The following KCNH5 variants were observed in gnomAD, a reference collection of about 807,000 sequenced individuals.
The protein encoded by KCNH5 is potassium voltage-gated channel subfamily H member 5.
KCNH5 carries 46 observed loss-of-function variants against 96.1 expected under a neutral mutation model. That is an observed-to-expected ratio of 0.48 (90% CI 0.38 to 0.61). KCNH5 has a LOEUF of 0.61. Ranked by LOEUF, KCNH5 falls within the 20% of genes least tolerant of loss-of-function variation. The pLI, the probability that KCNH5 is intolerant of heterozygous loss-of-function variation, is 0.00. For missense variants in KCNH5, 907 were observed against 1,225.8 expected (o/e 0.74, Z 3.88); for synonymous variants, 439 against 449.8 (o/e 0.98, Z 0.30).
At position 62,957,510 on chromosome 14, in the gene KCNH5, C is replaced by T. The variant is rs530074413; in HGVS notation, c.943-6951G>A. 7.2e-4 allele frequency among the ~76,000 whole-genome samples: 109 copies of T among 152,310 alleles called. 2 individuals are homozygous for T. In the South Asian group the frequency reaches 0.016, roughly 23 times the overall value. Reference sequence around the variant, plus strand: ...AAACATAGCTGTGTTTATTTTTCCCCCTGTATCCATACCCCTCTGCAATGT... The same window carrying T: ...AAACATAGCTGTGTTTATTTTTCCCTCTGTATCCATACCCCTCTGCAATGT... On this transcript the variant is annotated intron_variant, in intron 6 of 10. Transcript: ENST00000322893.
intron 10 of KCNH5, among the ~76,000 whole-genome samples, chr14:62,753,670 C>A (rs1401943038): frequency 6.6e-6 from 1 of 152,022 alleles, no homozygotes; most frequent in Non-Finnish European, 1.5e-5. Flanking sequence ...ATCTTACAGG[C>A]CAGGAGAGAG....
chr14:62,707,881 T>C lies in KCNH5; in HGVS notation c.2594A>G (p.Asp865Gly), dbSNP rs765652339. 13 of 1,614,064 alleles carry C rather than the reference T, an allele frequency of 8.1e-6. No homozygotes were observed. In the East Asian group the frequency reaches 2.7e-4, roughly 33 times the overall value. ...AAGGTCACTTTTTGTAATTCCACTG[T>C]CACAAGAATCTGTTTTTCTTAGTGG... The part of the protein sequence containing the change: ...KNPLRKTDSC[D>G]SGITKSDLRL... The change falls in exon 11 of 11, where the codon GAC (aspartate) becomes GGC (glycine). Residue 865 changes from aspartate (D) to glycine (G), a missense_variant. By Grantham distance (94) the Asp-to-Gly change is moderately conservative (BLOSUM62 -1). Around this residue, in one of 6 missense-constraint regions of KCNH5, gnomAD observed 362 missense variants for 394.4 expected, o/e 0.92. Coordinates refer to ENST00000322893, the MANE Select transcript of KCNH5 (RefSeq NM_139318.5).
intron 7 of KCNH5, among the ~76,000 whole-genome samples, chr14:62,939,265 C>T (rs1889742618): frequency 6.6e-6 from 1 of 152,194 alleles, no homozygotes; most frequent in Non-Finnish European, 1.5e-5. Flanking sequence ...CATTCTACCT[C>T]ACTGGGTTCT....
At position 62,702,745 on chromosome 14, in the gene KCNH5, C is replaced by T. The variant is rs1419129456; in HGVS notation, c.*4763G>A. 1 of 151,824 alleles carries T rather than the reference C, an allele frequency of 6.6e-6. No homozygotes were observed. The highest frequency in any genetic ancestry group is 2.4e-5 in the African/African-American group (1 of 41,388). 9.4% of individuals were successfully genotyped at this position (151,824 alleles called of 1,614,324 possible). A position where few individuals can be genotyped will look rare whatever the true frequency, so the allele number is the denominator to read the frequency against. ...AGTCCAAATCCTCAGTGGTCCTGACCCTCATAAAGAATGCAAACACAGGGG... is the reference window on the plus strand; with the variant it reads ...AGTCCAAATCCTCAGTGGTCCTGACTCTCATAAAGAATGCAAACACAGGGG... On this transcript the variant is annotated 3_prime_UTR_variant, in exon 11 of 11. Coordinates refer to ENST00000322893, the MANE Select transcript of KCNH5 (RefSeq NM_139318.5).
chr14:62,847,987 G>GAAT (rs1160518880), intron 8 of KCNH5, among the ~76,000 whole-genome samples: 6 of 152,156 alleles, frequency 3.9e-5, no homozygotes, highest in African/African-American at 1.2e-4. Flanking sequence ...CTCCATTCAT[G>GAAT]AATAACTCAG....
chr14:62,998,297 A>T (rs1269253858), intron 4 of KCNH5, among the ~76,000 whole-genome samples: 1 of 152,142 alleles, frequency 6.6e-6, no homozygotes, highest in African/African-American at 2.4e-5. Context: ...CTCTGCTTGA[A>T]TGTCCATGTC....
At chr14:62,820,863 AT>A (rs1454941088) in intron 8 of KCNH5, among the ~76,000 whole-genome samples, 3 of 151,986 alleles carry the variant, frequency 2.0e-5, no homozygotes, top group African/African-American at 7.3e-5. Context: ...CAGTAATAGG[AT>A]TACTGGGTCA....
At position 62,831,585 on chromosome 14, in the gene KCNH5, G is replaced by A. The variant is rs1285754235; in HGVS notation, c.1569+18068C>T. Among the ~76,000 whole-genome samples, 10 of 152,118 alleles carry A rather than the reference G, an allele frequency of 6.6e-5. No individual in the cohort carries two copies. The East Asian group carries it at 1.7e-3, about 26-fold the overall frequency. On this transcript the variant is annotated intron_variant, in intron 8 of 10. Coordinates refer to ENST00000322893, the MANE Select transcript of KCNH5 (RefSeq NM_139318.5). ...TTATGTTATCCATATATTTCTTACT[G>A]ATTTTCAAGAATCCTTTATGTATTG...
chr14:62,894,979 CA>C (rs1888782441), intron 7 of KCNH5, among the ~76,000 whole-genome samples: 1 of 152,104 alleles, frequency 6.6e-6, no homozygotes, highest in South Asian at 2.1e-4. Context: ...GAAACAGAGC[CA>C]AAGACCTTAA....
At chr14:62,782,391 T>G (rs375689234) in intron 9 of KCNH5, among the ~76,000 whole-genome samples, 2 of 152,170 alleles carry the variant, frequency 1.3e-5, no homozygotes, top group Admixed American at 6.5e-5. Flanking sequence ...CAATCATGAA[T>G]AGTTAATTAA....
At chr14:62,874,474 A>G (rs1888327525) in intron 7 of KCNH5, among the ~76,000 whole-genome samples, 3 of 152,326 alleles carry the variant, frequency 2.0e-5, no homozygotes, top group Middle Eastern at 6.8e-3. Context: ...CCAGCAGCAC[A>G]TCAGAAAGCT....
intron 10 of KCNH5, among the ~76,000 whole-genome samples, chr14:62,743,689 C>A (rs1043729903): frequency 6.6e-6 from 1 of 152,100 alleles, no homozygotes; most frequent in Non-Finnish European, 1.5e-5. Context: ...GGCCTCACAG[C>A]TGAGGCCAGC....
intron 10 of KCNH5, among the ~76,000 whole-genome samples, chr14:62,719,361 G>A (rs1884756231): frequency 6.6e-6 from 1 of 152,220 alleles, no homozygotes; most frequent in Non-Finnish European, 1.5e-5. Context: ...AGCCAGCTAG[G>A]AAGCTTTCAC....
At chr14:62,948,005 G>A (rs915423164) in intron 7 of KCNH5, among the ~76,000 whole-genome samples, 8 of 150,920 alleles carry the variant, frequency 5.3e-5, no homozygotes, top group African/African-American at 2.0e-4. Context: ...AGTCCCCAGA[G>A]TGTGATGTTC....
chr14:62,741,489 T>C (rs950111998), intron 10 of KCNH5, among the ~76,000 whole-genome samples: 1 of 152,146 alleles, frequency 6.6e-6, no homozygotes, highest in Admixed American at 6.6e-5. Context: ...AGATTTTAGA[T>C]TGTAAAAGGT....
At chr14:62,916,140 G>A (rs958206386) in intron 7 of KCNH5, among the ~76,000 whole-genome samples, 1 of 151,892 alleles carries the variant, frequency 6.6e-6, no homozygotes, top group Non-Finnish European at 1.5e-5. Context: ...TTTTAGTAGA[G>A]ACGGGGTTTT....
At chr14:62,865,517 A>G (rs532549840) in intron 7 of KCNH5, among the ~76,000 whole-genome samples, 1 of 152,230 alleles carries the variant, frequency 6.6e-6, no homozygotes, top group Non-Finnish European at 1.5e-5. Context: ...ACCAATAGAA[A>G]TGAGGAAGAA....
chr14:62,875,594 G>A (rs1198863191), intron 7 of KCNH5, among the ~76,000 whole-genome samples: 2 of 151,980 alleles, frequency 1.3e-5, no homozygotes, highest in Admixed American at 6.6e-5. Context: ...ACTCTTGGTG[G>A]GAATATAAAT....
chr14:62,958,140 G>A (rs1890141025), intron 6 of KCNH5, among the ~76,000 whole-genome samples: 1 of 152,170 alleles, frequency 6.6e-6, no homozygotes, highest in South Asian at 2.1e-4. Flanking sequence ...ATATGGGTGT[G>A]TAAAGTAAGA....
Sources: gnomAD v4.1 joint callset for allele counts (sites outside exome capture counted in the v4.1 genomes callset) on GRCh38, gnomAD v4.1.1 for gene constraint, gnomAD v4.1.1 regional missense constraint, MANE v1.5 for transcripts, NCBI Gene and HGNC (gene_info 2026-07-23, HGNC 2026-07-21) for gene names.